Variants in SH2D3C observed in about 807,000 individuals in gnomAD.
The protein encoded by SH2D3C is SH2 domain containing 3C, also known as SH2 domain-containing protein 3C.
In SH2D3C, 25 loss-of-function variants were observed where a neutral mutation model predicts 75.2. The ratio of observed to expected loss-of-function variants is 0.33; its 90% confidence interval spans 0.24 to 0.46. The LOEUF is 0.46. Ranked by LOEUF, SH2D3C falls within the 20% of genes least tolerant of loss-of-function variation. The pLI is 1.00. For synonymous variants in SH2D3C, 450 were observed against 473.7 expected, an observed-to-expected ratio of 0.95 and a Z score of 0.65; for missense variants, 933 against 1,165.3, an observed-to-expected ratio of 0.80 and a Z score of 2.90.
intron 2 of SH2D3C, chr9:127,771,240 C>A (rs1365290691): frequency 1.9e-6 from 3 of 1,544,562 alleles, no homozygotes; most frequent in African/African-American, 1.4e-5. Flanking sequence ...GCTTCCCCCG[C>A]TGTCGCCGCC....
chr9:127,762,995 C>A (rs967990287), intron 2 of SH2D3C, among the ~76,000 whole-genome samples: 1 of 152,242 alleles, frequency 6.6e-6, no homozygotes, highest in Non-Finnish European at 1.5e-5. Context: ...CCGACAGCCA[C>A]CCTGCCGACC....
rs1354439114 is a variant in SH2D3C at position 127,738,824 on chromosome 9, C to T, written c.2505G>A (p.Arg835=). The part of the protein sequence containing the change: ...GSQGASSSQA[R]RYEKFDKVLT... ...GGACCTTGTCGAACTTCTCATAGCG[C>T]CGGGCCTGGCTGCTGCTGGCACCCT... The change falls in exon 12 of 12, where the codon CGG becomes CGA. Residue 835 remains arginine (R), a synonymous_variant. Transcript: ENST00000314830. This position sits in a 1 kb window ranked among gnomAD's most constrained non-coding sequence, Gnocchi z 5.0. 1.9e-6 allele frequency: 3 copies of T among 1,606,230 alleles called. No individual in the cohort carries two copies. Among genetic ancestry groups the T allele is most frequent in the Non-Finnish European group, 2.5e-6 (3 of 1,176,700 alleles).
At position 127,739,828 on chromosome 9, in the gene SH2D3C, T is replaced by C; in HGVS notation, c.2261A>G (p.Glu754Gly). 6.3e-7 allele frequency: 1 copy of C among 1,580,938 alleles called. No individual in the cohort carries two copies. The highest frequency in any genetic ancestry group is 8.6e-7 in the Non-Finnish European group (1 of 1,162,746). ...PHVLPLITLLECDSAPPEGPE... is the reference protein window; with the variant it reads ...PHVLPLITLLGCDSAPPEGPE... ...GCCCTCTGGTGGGGCCGAGTCACAC[T>C]CCAGCAGGGTGATGAGGGGCAGCAC... is the stretch of plus-strand genomic sequence containing the variant. The change falls in exon 11 of 12, where the codon GAG becomes GGG. Residue 754 changes from glutamate (E) to glycine (G), a missense_variant. By Grantham distance (98) the Glu-to-Gly change is moderately conservative. Transcript: ENST00000314830. This position sits in a 1 kb window ranked among gnomAD's most constrained non-coding sequence, Gnocchi z 4.3.
chr9:127,757,642 G>GATTATTATT lies in SH2D3C; in HGVS notation c.555+3968_555+3969insAATAATAAT, dbSNP rs1491460414. Among the ~76,000 whole-genome samples, 438 of 123,414 alleles carry GATTATTATT rather than the reference G, an allele frequency of 3.5e-3. 1 individual carries two copies. Among genetic ancestry groups the GATTATTATT allele is most frequent in the Non-Finnish European group, 5.4e-3 (325 of 59,678 alleles). 81.0% of individuals were successfully genotyped at this position (123,414 alleles called of 152,430 possible). On this transcript the variant is annotated intron_variant, in intron 3 of 11. Coordinates refer to ENST00000314830, the MANE Select transcript of SH2D3C (RefSeq NM_170600.3). ...TGATGATGATGATGATGATGATGAT[G>GATTATTATT]ATGATTATTATTATTATTATTATTA...
rs745548014 is a variant in SH2D3C at position 127,744,732 on chromosome 9, G to C, written c.1632C>G (p.Val544=). 2 of 1,614,238 alleles carry C rather than the reference G, an allele frequency of 1.2e-6. No individual in the cohort carries two copies. Among genetic ancestry groups the C allele is most frequent in the East Asian group, 4.5e-5 (2 of 44,882 alleles). Residue 544 remains valine, a synonymous_variant, in exon 7 of 12, where the codon GTC becomes GTG. Coordinates refer to ENST00000314830, the MANE Select transcript of SH2D3C (RefSeq NM_170600.3). ...AGGAAGAAGTGACTTCCACGATGGG[G>C]ACTGTGAAGGTCTTGCCCCAGTCCC... is the stretch of plus-strand genomic sequence containing the variant. The part of the protein sequence containing the change: ...PEGDWGKTFT[V]PIVEVTSSFN...
At chr9:127,753,023 T>C (rs904380610) in intron 3 of SH2D3C, among the ~76,000 whole-genome samples, 1 of 151,272 alleles carries the variant, frequency 6.6e-6, no homozygotes, top group African/African-American at 2.4e-5. Flanking sequence ...AGCGGCAAAG[T>C]CAGGGTCCTA....
At chr9:127,777,945 C>G (rs1200757762) in intron 1 of SH2D3C, among the ~76,000 whole-genome samples, 1 of 150,098 alleles carries the variant, frequency 6.7e-6, no homozygotes, top group African/African-American at 2.5e-5. Context: ...AGAACCCACC[C>G]CGGTCTCTAA....
intron 2 of SH2D3C, chr9:127,771,130 C>T (rs952339291): frequency 2.1e-5 from 29 of 1,391,934 alleles, no homozygotes; most frequent in Admixed American, 5.7e-5. Flanking sequence ...CAGATTTCCT[C>T]CTTCGACCTC....
intron 6 of SH2D3C, among the ~76,000 whole-genome samples, chr9:127,745,636 T>C (rs1845010334): frequency 6.6e-6 from 1 of 151,398 alleles, no homozygotes; most frequent in Non-Finnish European, 1.5e-5. Flanking sequence ...AACGCCTGGC[T>C]AACTTTTTTT....
At chr9:127,765,543 C>T (rs1845618181) in intron 2 of SH2D3C, among the ~76,000 whole-genome samples, 1 of 152,196 alleles carries the variant, frequency 6.6e-6, no homozygotes, top group Middle Eastern at 3.2e-3. Flanking sequence ...AATCTCTTCT[C>T]TCTCCTCTCC....
At chr9:127,743,574 G>A (rs962396321) in intron 7 of SH2D3C, among the ~76,000 whole-genome samples, 2 of 152,202 alleles carry the variant, frequency 1.3e-5, no homozygotes, top group East Asian at 3.8e-4. Flanking sequence ...TCATTGCAGA[G>A]GGAAACCCTG....
Position 127,740,000 on chromosome 9 carries a change from G to C in SH2D3C, c.2201-112C>G. ...ACGGGCCTGGCTGAGGTCCGGGAGA[G>C]AGCCCCAAGGGCTCCTGACTCCTGG... On this transcript the variant is annotated intron_variant, in intron 10 of 11. Transcript: ENST00000314830. This position sits in a 1 kb window ranked among gnomAD's most constrained non-coding sequence, Gnocchi z 4.3. 1 of 1,035,304 alleles carries C rather than the reference G, an allele frequency of 9.7e-7. No individual in the cohort carries two copies. The highest frequency in any genetic ancestry group is 1.4e-6 in the Non-Finnish European group (1 of 723,628). The allele number at this position is 1,035,304 out of a possible 1,614,324, so 64.1% of individuals were successfully genotyped here. A position where few individuals can be genotyped will look rare whatever the true frequency, so the allele number is the denominator to read the frequency against.
At chr9:127,750,513 G>A (rs1183707156) in intron 4 of SH2D3C, among the ~76,000 whole-genome samples, 1 of 152,066 alleles carries the variant, frequency 6.6e-6, no homozygotes, top group Non-Finnish European at 1.5e-5. Flanking sequence ...TCCCCTCCTC[G>A]GGACTCGCCC....
chr9:127,759,506 G>A (rs779442721), intron 3 of SH2D3C, among the ~76,000 whole-genome samples: 2 of 152,132 alleles, frequency 1.3e-5, no homozygotes, highest in African/African-American at 4.8e-5. Flanking sequence ...ATGAGCCACT[G>A]TGCCCAGCCT....
chr9:127,745,973 G>A (rs750925988), intron 6 of SH2D3C, among the ~76,000 whole-genome samples: 43 of 152,122 alleles, frequency 2.8e-4, no homozygotes, highest in Non-Finnish European at 4.3e-4. Context: ...GTCCTATGAA[G>A]TAAGTACTTT....
At chr9:127,764,133 G>A (rs1845588355) in intron 2 of SH2D3C, among the ~76,000 whole-genome samples, 1 of 152,226 alleles carries the variant, frequency 6.6e-6, no homozygotes, top group South Asian at 2.1e-4. Flanking sequence ...CGGGCTCTGG[G>A]ACAGGGGCAG....
intron 2 of SH2D3C, among the ~76,000 whole-genome samples, chr9:127,770,107 G>A (rs535838387): frequency 1.8e-4 from 27 of 152,260 alleles, no homozygotes; most frequent in African/African-American, 6.5e-4. Context: ...AAGACTGAAG[G>A]TCCTTGGGAG....
chr9:127,776,351 C>T (rs1273461001), intron 1 of SH2D3C, among the ~76,000 whole-genome samples: 1 of 151,414 alleles, frequency 6.6e-6, no homozygotes, highest in East Asian at 1.9e-4. Context: ...TCCAGCCAGC[C>T]TCTGTGCACC....
At chr9:127,742,718 T>C in intron 8 of SH2D3C, 131 bp downstream of exon 8, 1 of 617,494 alleles carries the variant, frequency 1.6e-6, no homozygotes, top group South Asian at 2.0e-5. Context: ...GATTGGTCAA[T>C]GGGATGGGAG....
Sources: allele counts gnomAD v4.1 joint callset (sites outside exome capture counted in the v4.1 genomes callset), GRCh38; gene constraint gnomAD v4.1.1; non-coding constraint Gnocchi (gnomAD v3.1); transcripts MANE v1.5; gene names NCBI Gene and HGNC (gene_info 2026-07-23, HGNC 2026-07-21).